Variants in SYTL2 observed in about 807,000 individuals in gnomAD.
SYTL2 encodes synaptotagmin-like protein 2.
A neutral mutation model predicts 198.7 loss-of-function variants in SYTL2; 165 were observed. The observed-to-expected ratio is 0.83, with a 90% CI of 0.73 to 0.94. The LOEUF is 0.94. SYTL2 is among the 40% of genes least tolerant of loss of function. The probability of loss-of-function intolerance (pLI) is 0.00; values close to 1 mark genes in which losing one functional copy is unlikely to be tolerated. For synonymous variants in SYTL2, 966 were observed against 917.7 expected (o/e 1.05, Z -0.95); for missense variants, 2,835 against 2,582.8 (o/e 1.10, Z -2.12).
chr11:85,804,857 C>G (rs1320075359), intron 1 of SYTL2, among the ~76,000 whole-genome samples: 1 of 152,188 alleles, frequency 6.6e-6, no homozygotes, highest in Non-Finnish European at 1.5e-5. Context: ...GTGGCTCCAA[C>G]TATTCATAAC....
chr11:85,830,003 A>C, the SYTL2 span, among the ~76,000 whole-genome samples: 1 of 152,206 alleles, frequency 6.6e-6, no homozygotes, highest in Admixed American at 6.5e-5. Flanking sequence ...TTCACATCCA[A>C]CTAAGACCAG....
At chr11:85,800,081 T>G (rs1022863626) in intron 1 of SYTL2, among the ~76,000 whole-genome samples, 2 of 152,166 alleles carry the variant, frequency 1.3e-5, no homozygotes, top group Non-Finnish European at 1.5e-5. Context: ...CAGGTAGTGA[T>G]GCACACAAAC....
intron 16 of SYTL2, among the ~76,000 whole-genome samples, chr11:85,703,181 A>G (rs944362307): frequency 2.6e-5 from 4 of 152,164 alleles, no homozygotes; most frequent in Non-Finnish European, 4.4e-5. Context: ...TGGAGTTTCC[A>G]GAAGGAGAGG....
At chr11:85,759,875 C>T (rs762706504) in intron 1 of SYTL2, among the ~76,000 whole-genome samples, 6 of 152,162 alleles carry the variant, frequency 3.9e-5, no homozygotes, top group Non-Finnish European at 7.3e-5. Context: ...CTCCATGAAG[C>T]CTTCCATAAC....
chr11:85,726,055 T>C lies in SYTL2; in HGVS notation c.3303A>G (p.Pro1101=), dbSNP rs753302246. 1 of 1,613,140 alleles carries C rather than the reference T, an allele frequency of 6.2e-7. No individual in the cohort carries two copies. Among genetic ancestry groups the C allele is most frequent in the East Asian group, 2.2e-5 (1 of 44,870 alleles). ...AGTAATCCTTTTCTTCCTTAAACAC[T>C]GGAGTAACAATCCCTTCCGTATTCT... is the stretch of plus-strand genomic sequence containing the variant. ...VEKNTEGIVT[P]VFKEEKDYSE... The change falls in exon 8 of 20, where the codon CCA becomes CCG. Residue 1101 remains proline (P), a synonymous_variant. Coordinates refer to ENST00000359152, the MANE Select transcript of SYTL2 (RefSeq NM_206927.4).
At chr11:85,784,833 A>G (rs1379920165) in intron 1 of SYTL2, among the ~76,000 whole-genome samples, 1 of 152,114 alleles carries the variant, frequency 6.6e-6, no homozygotes, top group East Asian at 1.9e-4. Context: ...TTCTTTCCAC[A>G]ATTCCACAGA....
chr11:85,787,997 T>C (rs1365577575), intron 1 of SYTL2, among the ~76,000 whole-genome samples: 1 of 152,222 alleles, frequency 6.6e-6, no homozygotes, highest in Non-Finnish European at 1.5e-5. Flanking sequence ...TTGCTCTTGA[T>C]GTGTCACCGG....
chr11:85,712,455 G>T (rs1434302416), intron 12 of SYTL2, among the ~76,000 whole-genome samples: 1 of 152,132 alleles, frequency 6.6e-6, no homozygotes, highest in Non-Finnish European at 1.5e-5. Flanking sequence ...AAATGTGACT[G>T]ATGATAAGTC....
At chr11:85,846,178 T>C in the SYTL2 span, among the ~76,000 whole-genome samples, 1 of 152,222 alleles carries the variant, frequency 6.6e-6, no homozygotes, top group Non-Finnish European at 1.5e-5. Context: ...TCCAGCATGG[T>C]TGTCTCATAG....
At chr11:85,763,561 T>C (rs2092154672) in intron 1 of SYTL2, among the ~76,000 whole-genome samples, 1 of 152,136 alleles carries the variant, frequency 6.6e-6, no homozygotes, top group Non-Finnish European at 1.5e-5. Flanking sequence ...ACAGATAGCA[T>C]CTTCTGCTTT....
chr11:85,799,303 AG>A (rs1283790916), intron 1 of SYTL2, among the ~76,000 whole-genome samples: 4 of 152,218 alleles, frequency 2.6e-5, no homozygotes, highest in African/African-American at 9.6e-5. Context: ...GAGGACATAA[AG>A]AATGATAACA....
intron 8 of SYTL2, among the ~76,000 whole-genome samples, chr11:85,721,498 A>G (rs1358400426): frequency 3.3e-5 from 5 of 152,106 alleles, no homozygotes; most frequent in Admixed American, 6.6e-5. Flanking sequence ...GGGATAGTCA[A>G]ATTTTTATTT....
In SYTL2 at chr11:85,709,388, A is replaced by G. The variant is rs770072596; in HGVS notation, c.5858T>C (p.Phe1953Ser). Residue 1953 changes from phenylalanine to serine, a missense_variant, in exon 14 of 20, where the codon TTT becomes TCT. Phe to Ser is a radical substitution (Grantham distance 155). This residue lies in a region of SYTL2 where 2,645 missense variants were observed against 2,381.7 expected (regional missense o/e 1.11). Transcript: ENST00000359152. ...YVESLKELHV[F>S]VAQCKDLAAA... ...TGCTAAGTCCTTACACTGGGCCACAAAAACATGCAACTCCTTCAGTGACTC... is the reference window on the plus strand; with the variant it reads ...TGCTAAGTCCTTACACTGGGCCACAGAAACATGCAACTCCTTCAGTGACTC... 2.5e-6 allele frequency: 4 copies of G among 1,614,168 alleles called. No homozygotes were observed. Among genetic ancestry groups the G allele is most frequent in the Non-Finnish European group, 3.4e-6 (4 of 1,180,034 alleles).
chr11:85,715,304 G>A (rs1461308883), intron 11 of SYTL2, among the ~76,000 whole-genome samples: 1 of 151,980 alleles, frequency 6.6e-6, no homozygotes, highest in Non-Finnish European at 1.5e-5. Flanking sequence ...CAACATCTAA[G>A]CTTTTCTTAT....
chr11:85,759,423 G>A (rs2092026466), intron 1 of SYTL2, among the ~76,000 whole-genome samples: 1 of 152,166 alleles, frequency 6.6e-6, no homozygotes, highest in South Asian at 2.1e-4. Context: ...ACCGACCACT[G>A]TGAAGCTGTT....
chr11:85,740,220 C>A (rs2090680108), intron 4 of SYTL2, among the ~76,000 whole-genome samples: 1 of 152,202 alleles, frequency 6.6e-6, no homozygotes. Flanking sequence ...ATTGACCTTT[C>A]ATGCCAAACA....
intron 1 of SYTL2, among the ~76,000 whole-genome samples, chr11:85,771,854 A>G (rs1480960826): frequency 6.6e-6 from 1 of 152,052 alleles, no homozygotes; most frequent in African/African-American, 2.4e-5. Context: ...GAGACCCTGC[A>G]TGGAAAGACA....
chr11:85,705,357 C>T (rs1461166891), intron 15 of SYTL2: 1 of 182,622 alleles, frequency 5.5e-6, no homozygotes, highest in Non-Finnish European at 1.1e-5. Context: ...AAAATTGAGT[C>T]TAAAATACAA....
chr11:85,819,990 A>AT, the SYTL2 span, among the ~76,000 whole-genome samples: 1 of 152,220 alleles, frequency 6.6e-6, no homozygotes, highest in African/African-American at 2.4e-5. Context: ...ACTGAATTGA[A>AT]TTTTTGAGAA....
Sources: gnomAD v4.1 joint callset for allele counts (sites outside exome capture counted in the v4.1 genomes callset) on GRCh38, gnomAD v4.1.1 for gene constraint, gnomAD v4.1.1 regional missense constraint, MANE v1.5 for transcripts, NCBI Gene and HGNC (gene_info 2026-07-23, HGNC 2026-07-21) for gene names.